SGPP1: variants seen among roughly 807,000 people sequenced by gnomAD.
SGPP1 encodes hSPP1.
Under a neutral mutation model 33.0 loss-of-function variants are expected in SGPP1, and 21 were observed. The observed-to-expected ratio is 0.64, with a 90% CI of 0.45 to 0.92. SGPP1 has a LOEUF of 0.92. SGPP1 is among the 40% of genes least tolerant of loss of function. The pLI is 0.00. For missense variants in SGPP1, 543 were observed against 589.4 expected (o/e 0.92, Z 0.81); for synonymous variants, 239 against 241.2 (o/e 0.99, Z 0.08).
rs1015528910 is a variant in SGPP1, at chr14:63,685,674, C to T, written c.*431G>A. The T allele has an allele frequency of 1.3e-5, 2 of 151,656 alleles. No homozygotes were observed. The highest frequency in any genetic ancestry group is 2.4e-5 in the African/African-American group (1 of 41,238). 9.4% of individuals were successfully genotyped at this position (151,656 alleles called of 1,614,324 possible). ...AAATATATCTGTTAATAACAACATA[C>T]CTGTATGTAGTTCAAATACACAGGC... On this transcript the variant is annotated 3_prime_UTR_variant, in exon 3 of 3. Coordinates refer to ENST00000247225, the MANE Select transcript of SGPP1 (RefSeq NM_030791.4).
intron 2 of SGPP1, among the ~76,000 whole-genome samples, chr14:63,696,038 A>T (rs1211923226): frequency 6.6e-6 from 1 of 152,218 alleles, no homozygotes; most frequent in Non-Finnish European, 1.5e-5. Context: ...CTGTAATCCC[A>T]GGACTTTGGG....
intron 1 of SGPP1, among the ~76,000 whole-genome samples, chr14:63,712,686 G>A (rs2139648026): frequency 6.6e-6 from 1 of 151,634 alleles, no homozygotes; most frequent in East Asian, 1.9e-4. Flanking sequence ...TTGTTTTTTT[G>A]AGGGAGGGTC....
At chr14:63,703,582 G>A (rs1478661512) in intron 1 of SGPP1, among the ~76,000 whole-genome samples, 1 of 149,810 alleles carries the variant, frequency 6.7e-6, no homozygotes, top group Non-Finnish European at 1.5e-5. Flanking sequence ...GAACCCGGGA[G>A]GCAGAGGTTG....
At chr14:63,724,035 G>A (rs1470538852) in intron 1 of SGPP1, among the ~76,000 whole-genome samples, 1 of 151,904 alleles carries the variant, frequency 6.6e-6, no homozygotes, top group Non-Finnish European at 1.5e-5. Flanking sequence ...GCGCCACCAT[G>A]CCCAGCTGAT....
In SGPP1 at chr14:63,684,714, A is replaced by C. The variant is rs550990870; in HGVS notation, c.*1391T>G. 6.6e-6 allele frequency: 1 copy of C among 152,482 alleles called. No homozygotes were observed. The highest frequency in any genetic ancestry group is 6.5e-5 in the Admixed American group (1 of 15,270). 9.4% of individuals were successfully genotyped at this position (152,482 alleles called of 1,614,324 possible). On this transcript the variant is annotated 3_prime_UTR_variant, in exon 3 of 3. Coordinates refer to ENST00000247225, the MANE Select transcript of SGPP1 (RefSeq NM_030791.4). Reference sequence around the variant, plus strand: ...GGAAAGTTAATCTCTTCTTTATGAAAAACTTTCTACAAATACACTTACTAT... The same window carrying C: ...GGAAAGTTAATCTCTTCTTTATGAACAACTTTCTACAAATACACTTACTAT...
At chr14:63,702,091 G>GTC (rs2139638954) in intron 1 of SGPP1, among the ~76,000 whole-genome samples, 1 of 152,234 alleles carries the variant, frequency 6.6e-6, no homozygotes, top group East Asian at 1.9e-4. Context: ...CACCTATAGA[G>GTC]TCTCAGAAGC....
chr14:63,708,044 G>A (rs1885450031), intron 1 of SGPP1, among the ~76,000 whole-genome samples: 4 of 152,082 alleles, frequency 2.6e-5, no homozygotes, highest in Admixed American at 2.6e-4. Flanking sequence ...TAGCAATTCT[G>A]TAAGAGCTTA....
At chr14:63,726,344 T>C (rs1885879129) in intron 1 of SGPP1, among the ~76,000 whole-genome samples, 1 of 152,084 alleles carries the variant, frequency 6.6e-6, no homozygotes, top group Non-Finnish European at 1.5e-5. Context: ...TAACAAATCT[T>C]ACAGTTCAAA....
intron 2 of SGPP1, among the ~76,000 whole-genome samples, chr14:63,694,591 C>T (rs1224997451): frequency 6.6e-6 from 1 of 152,072 alleles, no homozygotes; most frequent in Non-Finnish European, 1.5e-5. Flanking sequence ...TATTGAACTC[C>T]TATCCAATAG....
intron 1 of SGPP1, among the ~76,000 whole-genome samples, chr14:63,711,188 T>C (rs1430260328): frequency 6.6e-6 from 1 of 152,050 alleles, no homozygotes; most frequent in Non-Finnish European, 1.5e-5. Flanking sequence ...TAATTTTTTG[T>C]AATTTTAGTA....
chr14:63,691,678 G>A (rs529107348), intron 2 of SGPP1, among the ~76,000 whole-genome samples: 69 of 152,292 alleles, frequency 4.5e-4, no homozygotes, highest in African/African-American at 1.6e-3. Context: ...AATATTCAGA[G>A]ATTATGATTG....
chr14:63,701,236 G>A lies in SGPP1; in HGVS notation c.685-2578C>T, dbSNP rs558414067. 8.5e-5 allele frequency among the ~76,000 whole-genome samples: 13 copies of A among 152,104 alleles called. No individual in the cohort carries two copies. In the East Asian group the frequency reaches 2.3e-3, roughly 27 times the overall value. On this transcript the variant is annotated intron_variant, in intron 1 of 2. Coordinates refer to ENST00000247225, the MANE Select transcript of SGPP1 (RefSeq NM_030791.4). The stretch of plus-strand genomic sequence containing the variant: ...CGGGCTCAAGCAATTCACCCGCCTT[G>A]GCCTCCCACAGTACTGAGATGAGAG...
intron 1 of SGPP1, among the ~76,000 whole-genome samples, chr14:63,702,126 G>A (rs900490506): frequency 1.3e-5 from 2 of 152,094 alleles, no homozygotes; most frequent in African/African-American, 4.8e-5. Flanking sequence ...GGACGGGGAA[G>A]GGTAGAGATT....
chr14:63,718,890 A>G (rs1176655944), intron 1 of SGPP1, among the ~76,000 whole-genome samples: 7 of 148,454 alleles, frequency 4.7e-5, no homozygotes, highest in Admixed American at 2.7e-4. Context: ...AACTTTACTG[A>G]TAAGACTAAT....
At chr14:63,726,422 C>T (rs945309938) in intron 1 of SGPP1, among the ~76,000 whole-genome samples, 1 of 151,978 alleles carries the variant, frequency 6.6e-6, no homozygotes. Flanking sequence ...AAAACTCTTC[C>T]CTTGGCAGTT....
At chr14:63,723,323 AAC>A (rs1179275991) in intron 1 of SGPP1, among the ~76,000 whole-genome samples, 1 of 152,210 alleles carries the variant, frequency 6.6e-6, no homozygotes, top group Non-Finnish European at 1.5e-5. Context: ...AAAAGGTCAT[AAC>A]ATTTTCTATC....
intron 1 of SGPP1, among the ~76,000 whole-genome samples, chr14:63,701,436 AG>A (rs1885297313): frequency 6.6e-6 from 1 of 152,196 alleles, no homozygotes; most frequent in East Asian, 1.9e-4. Context: ...ATTAAATAGA[AG>A]ATAGTGTAGG....
In SGPP1 at chr14:63,688,187, G is replaced by A. The variant is rs569630606; in HGVS notation, c.775-1531C>T. On this transcript the variant is annotated intron_variant, in intron 2 of 2. Coordinates refer to ENST00000247225, the MANE Select transcript of SGPP1 (RefSeq NM_030791.4). ...AAAAATTAGCCGGGCATGGTGGTAC[G>A]CGTTTGTAATCCCAGCTACTCAGGA... 1.5e-4 allele frequency among the ~76,000 whole-genome samples: 22 copies of A among 151,292 alleles called. No individual in the cohort carries two copies. The East Asian group carries it at 3.5e-3, about 24-fold the overall frequency.
intron 1 of SGPP1, among the ~76,000 whole-genome samples, chr14:63,725,763 G>C (rs1435499981): frequency 6.6e-6 from 1 of 152,040 alleles, no homozygotes; most frequent in East Asian, 1.9e-4. Flanking sequence ...CTCTTACTTT[G>C]ACTGCTAATA....
Sources: allele counts gnomAD v4.1 joint callset (sites outside exome capture counted in the v4.1 genomes callset), GRCh38; gene constraint gnomAD v4.1.1; transcripts MANE v1.5; gene names NCBI Gene and HGNC (gene_info 2026-07-23, HGNC 2026-07-21).